Variants in VPS45 observed in about 807,000 individuals in gnomAD.
VPS45 encodes vacuolar protein sorting 45 homolog, also known as vacuolar protein sorting-associated protein 45.
A neutral mutation model predicts 75.9 loss-of-function variants in VPS45; 35 were observed. The ratio of observed to expected loss-of-function variants is 0.46; its 90% confidence interval spans 0.35 to 0.61. The LOEUF (loss-of-function observed/expected upper bound fraction) is 0.61. Among genes scored for constraint, VPS45 ranks in the 20% least tolerant of loss-of-function variants. VPS45 has a pLI of 0.00. For synonymous variants in VPS45, 220 were observed against 238.2 expected, an observed-to-expected ratio of 0.92 and a Z score of 0.70; for missense variants, 559 against 685.9, an observed-to-expected ratio of 0.81 and a Z score of 2.07.
At chr1:150,103,407 G>T (rs1447917075) in intron 13 of VPS45, among the ~76,000 whole-genome samples, 3 of 152,152 alleles carry the variant, frequency 2.0e-5, no homozygotes, top group East Asian at 1.9e-4. Context: ...GCTTGAATAA[G>T]TAGTAGGAGG....
At chr1:150,097,090 C>T (rs868943682) in intron 13 of VPS45, among the ~76,000 whole-genome samples, 15,750 of 138,184 alleles carry the variant, frequency 0.11, 1,230 homozygotes, top group Non-Finnish European at 0.16. Context: ...ACATTTCTTT[C>T]TTTTTTTTTT....
At chr1:150,134,429 AC>A (rs1383271156) in intron 14 of VPS45, among the ~76,000 whole-genome samples, 1 of 152,230 alleles carries the variant, frequency 6.6e-6, no homozygotes, top group Non-Finnish European at 1.5e-5. Flanking sequence ...TATAATAAAT[AC>A]GCTTGAGCCT....
intron 4 of VPS45, 88 bp downstream of exon 4, chr1:150,076,400 C>T (rs1655388579): frequency 2.8e-6 from 3 of 1,074,510 alleles, no homozygotes; most frequent in East Asian, 5.5e-5. Flanking sequence ...AAAGGTCTGT[C>T]TCAAAAGAAG....
chr1:150,139,584 G>T (rs1029711965), intron 14 of VPS45, among the ~76,000 whole-genome samples: 2 of 151,996 alleles, frequency 1.3e-5, no homozygotes, highest in Non-Finnish European at 2.9e-5. Flanking sequence ...GTCTCACTCT[G>T]TCACCCATGC....
At chr1:150,099,014 T>C (rs1291018098) in intron 13 of VPS45, 1 of 1,104,184 alleles carries the variant, frequency 9.1e-7, no homozygotes, top group Non-Finnish European at 1.1e-6. Flanking sequence ...TTTGTTTCTG[T>C]GAAGCAGCAG....
At chr1:150,080,426 G>A (rs1472063799) in intron 7 of VPS45, among the ~76,000 whole-genome samples, 2 of 152,194 alleles carry the variant, frequency 1.3e-5, no homozygotes, top group East Asian at 1.9e-4. Context: ...TTACAGGCAT[G>A]AGCCACCATG....
intron 6 of VPS45, 28 bp from the exon 7 acceptor site, chr1:150,077,641 A>T (rs1553798406): frequency 6.7e-7 from 1 of 1,487,416 alleles, no homozygotes. Flanking sequence ...AGATGGTTGC[A>T]CAAACCATCT....
In VPS45 at chr1:150,082,857, C is replaced by G. The variant is rs1164143200; in HGVS notation, c.1078C>G (p.Gln360Glu). 1.9e-6 allele frequency: 3 copies of G among 1,613,926 alleles called. No homozygotes were observed. In the African/African-American group the frequency reaches 4.0e-5, roughly 22 times the overall value. ...VSEVEQELAC[Q>E]NDHSSALQNI... ...AGAGGTTGAGCAAGAACTGGCCTGT[C>G]AAAATGACCATTCTAGTGCTCTCCA... Residue 360 changes from glutamine (Q) to glutamate (E), a missense_variant, in exon 10 of 15, where the codon CAA (glutamine) becomes GAA (glutamate). Physicochemically the swap from Gln to Glu is conservative, Grantham distance 29. Transcript: ENST00000644510.
intron 14 of VPS45, among the ~76,000 whole-genome samples, chr1:150,141,231 C>A (rs190641435): frequency 3.5e-4 from 54 of 152,216 alleles, no homozygotes; most frequent in Admixed American, 3.2e-3. Flanking sequence ...TCCTGAAAGT[C>A]TTTTTCTATT....
intron 14 of VPS45, among the ~76,000 whole-genome samples, chr1:150,143,678 G>A (rs1357077030): frequency 3.3e-5 from 5 of 152,236 alleles, no homozygotes; most frequent in East Asian, 3.9e-4. Flanking sequence ...AGCTCATGAC[G>A]TGTTTAGGAA....
chr1:150,110,426 T>C, intron 13 of VPS45, 70 bp from the exon 14 acceptor site: 1 of 1,390,932 alleles, frequency 7.2e-7, no homozygotes. Flanking sequence ...AAATTAAAAC[T>C]CTGTGTATGT....
intron 12 of VPS45, among the ~76,000 whole-genome samples, chr1:150,092,991 C>T (rs2101568814): frequency 7.5e-6 from 1 of 133,988 alleles, no homozygotes; most frequent in South Asian, 2.6e-4. Flanking sequence ...TACAGGCATA[C>T]ACCACCTACA....
intron 6 of VPS45, 69 bp downstream of exon 6, chr1:150,077,300 T>C (rs1655448450): frequency 6.5e-7 from 1 of 1,542,936 alleles, no homozygotes; most frequent in Non-Finnish European, 8.8e-7. Flanking sequence ...TTTCAGAAAC[T>C]AAAGGAATAG....
chr1:150,105,530 A>G (rs782582570), intron 13 of VPS45, among the ~76,000 whole-genome samples: 38 of 152,012 alleles, frequency 2.5e-4, no homozygotes, highest in Non-Finnish European at 4.7e-4. Flanking sequence ...AGAGACACAC[A>G]AAATACTTAG....
intron 13 of VPS45, among the ~76,000 whole-genome samples, chr1:150,096,171 C>A (rs1471711080): frequency 1.3e-5 from 2 of 152,086 alleles, no homozygotes; most frequent in Non-Finnish European, 2.9e-5. Context: ...AGAAATGTCA[C>A]ATATTGAGAG....
intron 14 of VPS45, among the ~76,000 whole-genome samples, chr1:150,129,519 A>G (rs1026709044): frequency 1.3e-5 from 2 of 152,012 alleles, no homozygotes; most frequent in Admixed American, 1.3e-4. Flanking sequence ...AGCCTTTTAG[A>G]TCTTTTGCTA....
chr1:150,081,848 G>A, intron 8 of VPS45, 36 bp from the exon 9 acceptor site: 3 of 1,320,398 alleles, frequency 2.3e-6, no homozygotes, highest in Non-Finnish European at 3.2e-6. Flanking sequence ...AGTCAGACTA[G>A]TTGATGAAGT....
intron 13 of VPS45, among the ~76,000 whole-genome samples, chr1:150,101,721 C>G (rs587645617): frequency 1.3e-5 from 2 of 149,770 alleles, no homozygotes; most frequent in East Asian, 4.0e-4. Flanking sequence ...GGCGACAGAG[C>G]AAGACTCCAC....
intron 13 of VPS45, among the ~76,000 whole-genome samples, chr1:150,097,444 G>A (rs1383542552): frequency 6.6e-6 from 1 of 151,610 alleles, no homozygotes. Context: ...ATAATCCTGG[G>A]TGCAGTGGTT....
Sources: gnomAD v4.1 joint callset for allele counts (sites outside exome capture counted in the v4.1 genomes callset) on GRCh38, gnomAD v4.1.1 for gene constraint, MANE v1.5 for transcripts, NCBI Gene and HGNC (gene_info 2026-07-23, HGNC 2026-07-21) for gene names.